MYO3B: variants seen among roughly 807,000 people sequenced by gnomAD.
MYO3B encodes the protein myosin IIIB.
A neutral mutation model predicts 174.6 loss-of-function variants in MYO3B; 156 were observed. The observed-to-expected ratio is 0.89, with a 90% CI of 0.78 to 1.02. MYO3B has a LOEUF of 1.02. MYO3B is among the 50% of genes least tolerant of loss of function. MYO3B has a pLI of 0.00. For synonymous variants in MYO3B, 563 were observed against 569.1 expected (o/e 0.99, Z 0.15); for missense variants, 1,632 against 1,639.4 (o/e 1.00, Z 0.08).
At chr2:170,280,346 A>G (rs955428161) in intron 7 of MYO3B, among the ~76,000 whole-genome samples, 1 of 151,708 alleles carries the variant, frequency 6.6e-6, no homozygotes, top group African/African-American at 2.4e-5. Flanking sequence ...TAAATTTCTT[A>G]TAGATGCTAC....
chr2:170,493,322 C>G (rs1285068255), intron 25 of MYO3B, among the ~76,000 whole-genome samples: 1 of 152,062 alleles, frequency 6.6e-6, no homozygotes, highest in African/African-American at 2.4e-5. Flanking sequence ...TAGCATTTAA[C>G]TTTACTCTTT....
intron 7 of MYO3B, among the ~76,000 whole-genome samples, chr2:170,248,387 GCTGCATACC>G (rs1229884541): frequency 2.0e-5 from 3 of 152,138 alleles, no homozygotes; most frequent in African/African-American, 7.2e-5. Flanking sequence ...CAAGATCTGA[GCTGCATACC>G]TCTTGTGTTA....
At chr2:170,343,712 C>A (rs2093994563) in intron 8 of MYO3B, 1 of 152,222 alleles carries the variant, frequency 6.6e-6, no homozygotes, top group African/African-American at 2.4e-5. Flanking sequence ...GGAAACAGGG[C>A]TTTTTGGAAA....
chr2:170,463,495 C>A (rs1684436450), intron 24 of MYO3B, 50 bp downstream of exon 24: 1 of 1,516,880 alleles, frequency 6.6e-7, no homozygotes, highest in Non-Finnish European at 9.1e-7. Flanking sequence ...AAAGGACTGT[C>A]TAAGCCTTCT....
chr2:170,239,001 G>C (rs1223377771), intron 7 of MYO3B, among the ~76,000 whole-genome samples: 1 of 152,148 alleles, frequency 6.6e-6, no homozygotes, highest in Non-Finnish European at 1.5e-5. Context: ...CTGCTGATTG[G>C]CAGAGCATCC....
At chr2:170,463,663 G>C (rs549068590) in intron 24 of MYO3B, among the ~76,000 whole-genome samples, 1 of 152,272 alleles carries the variant, frequency 6.6e-6, no homozygotes, top group East Asian at 1.9e-4. Context: ...GCTGCTTCTT[G>C]GTCTTAAAGC....
At chr2:170,400,455 G>A in intron 17 of MYO3B, 141 bp downstream of exon 17, 1 of 1,064,502 alleles carries the variant, frequency 9.4e-7, no homozygotes, top group South Asian at 1.7e-5. Context: ...ATCCAGGCTG[G>A]AGTCCAGTGG....
intron 22 of MYO3B, among the ~76,000 whole-genome samples, chr2:170,429,933 TCTC>T (rs773620056): frequency 1.2e-4 from 19 of 152,026 alleles, no homozygotes; most frequent in Non-Finnish European, 2.4e-4. Context: ...TGGGCTGTCT[TCTC>T]CTTAAAACAA....
At chr2:170,470,102 CAAAAAAA>C (rs34472083) in intron 25 of MYO3B, among the ~76,000 whole-genome samples, 8 of 46,366 alleles carry the variant, frequency 1.7e-4, no homozygotes, top group African/African-American at 3.3e-4. Context: ...AACTCCGTCT[CAAAAAAA>C]AAAAAAAAAA....
chr2:170,395,286 C>A (rs2105778501), intron 16 of MYO3B, among the ~76,000 whole-genome samples: 1 of 152,164 alleles, frequency 6.6e-6, no homozygotes, highest in East Asian at 1.9e-4. Context: ...CCAAACCATA[C>A]TATTTTTGTT....
At chr2:170,256,729 A>G (rs2093307893) in intron 7 of MYO3B, among the ~76,000 whole-genome samples, 1 of 152,136 alleles carries the variant, frequency 6.6e-6, no homozygotes, top group African/African-American at 2.4e-5. Flanking sequence ...TAATAACATC[A>G]TGACAGGATC....
chr2:170,332,653 G>T (rs1210728791), intron 7 of MYO3B, among the ~76,000 whole-genome samples: 2 of 152,148 alleles, frequency 1.3e-5, no homozygotes, highest in East Asian at 1.9e-4. Flanking sequence ...ATCAAATGAG[G>T]TTCTCTTAAC....
chr2:170,358,574 GTA>G (rs1446098852), intron 8 of MYO3B, among the ~76,000 whole-genome samples: 2 of 152,178 alleles, frequency 1.3e-5, no homozygotes, highest in Admixed American at 6.5e-5. Flanking sequence ...TGGATGAACT[GTA>G]TAGTATGTGA....
chr2:170,602,326 G>C (rs1694564741), intron 32 of MYO3B: 1 of 671,076 alleles, frequency 1.5e-6, no homozygotes, highest in East Asian at 2.5e-5. Context: ...ATGTACTGCA[G>C]TGGCTGTGAG....
intron 7 of MYO3B, among the ~76,000 whole-genome samples, chr2:170,267,331 C>T (rs1208377298): frequency 6.6e-6 from 1 of 152,182 alleles, no homozygotes; most frequent in East Asian, 1.9e-4. Flanking sequence ...AGAGTGGCTT[C>T]CATTCCTTAT....
intron 25 of MYO3B, among the ~76,000 whole-genome samples, chr2:170,477,588 T>C (rs936290680): frequency 1.3e-5 from 2 of 151,898 alleles, no homozygotes; most frequent in African/African-American, 4.8e-5. Context: ...TCTTAGTGGC[T>C]TAAGCCAGAG....
At chr2:170,476,524 C>A (rs1273647467) in intron 25 of MYO3B, among the ~76,000 whole-genome samples, 2 of 152,052 alleles carry the variant, frequency 1.3e-5, no homozygotes, top group African/African-American at 4.8e-5. Flanking sequence ...GGAAGATGAT[C>A]TTCCTCTGGA....
rs200751365 is a variant in MYO3B at position 170,543,977 on chromosome 2, C to T, written c.3722C>T (p.Pro1241Leu). The T allele has an allele frequency of 4.3e-6, 7 of 1,612,210 alleles. No homozygotes were observed. In the African/African-American group the frequency reaches 6.7e-5, roughly 15 times the overall value. The change falls in exon 32 of 35, where the codon CCT becomes CTT. Residue 1241 changes from proline (P) to leucine (L), a missense_variant. Pro to Leu is a moderately conservative substitution (Grantham distance 98). Coordinates refer to ENST00000408978, the MANE Select transcript of MYO3B (RefSeq NM_138995.5). ...CAAGGATTGAGTCTCTGGGGAGCCC[C>T]TCAAAAGCCTGGTAAGAAGAACGTT... ...DQQGLSLWGA[P>L]QKPGSENGLA...
In MYO3B at chr2:170,453,338, C is replaced by T. The variant is rs775143463; in HGVS notation, c.2730+9292C>T. ...CCAGATTTGCTGCAGCCTAATAAGACGAGTTTCACAAATCCTTTTTTTCTA... is the reference window on the plus strand; with the variant it reads ...CCAGATTTGCTGCAGCCTAATAAGATGAGTTTCACAAATCCTTTTTTTCTA... On this transcript the variant is annotated intron_variant, in intron 23 of 34. Transcript: ENST00000408978. 2.3e-4 allele frequency among the ~76,000 whole-genome samples: 35 copies of T among 150,792 alleles called. 1 individual carries two copies. The highest frequency in any genetic ancestry group is 3.8e-4 in the Non-Finnish European group (26 of 67,796).
Sources: gnomAD v4.1 joint callset for allele counts (sites outside exome capture counted in the v4.1 genomes callset) on GRCh38, gnomAD v4.1.1 for gene constraint, MANE v1.5 for transcripts, NCBI Gene and HGNC (gene_info 2026-07-23, HGNC 2026-07-21) for gene names.